USP19: variants seen among roughly 807,000 people sequenced by gnomAD.
USP19 encodes ubiquitin carboxyl-terminal hydrolase 19.
A neutral mutation model predicts 144.8 loss-of-function variants in USP19; 40 were observed. The ratio of observed to expected loss-of-function variants is 0.28; its 90% confidence interval spans 0.21 to 0.36. The LOEUF (loss-of-function observed/expected upper bound fraction) is 0.36, where lower values mean the gene tolerates loss of function less well. Ranked by LOEUF, USP19 falls within the 10% of genes least tolerant of loss-of-function variation. USP19 has a pLI of 1.00. For synonymous variants in USP19, 701 were observed against 709.3 expected, an observed-to-expected ratio of 0.99 and a Z score of 0.19; for missense variants, 1,518 against 1,822.5, an observed-to-expected ratio of 0.83 and a Z score of 3.04.
chr3:49,115,814 C>G lies in USP19; in HGVS notation c.1602G>C (p.Lys534Asn). The change falls in exon 11 of 27, where the codon AAG (lysine) becomes AAC (asparagine). Residue 534 changes from lysine (K) to asparagine (N), a missense_variant. This residue lies in a region of USP19 where 707 missense variants were observed against 728.9 expected (regional missense o/e 0.97). Coordinates refer to ENST00000417901, the MANE Select transcript of USP19 (RefSeq NM_001199161.2). The surrounding 1 kb of genome is among the most constrained non-coding windows in gnomAD (Gnocchi z 6.6). The stretch of plus-strand genomic sequence containing the variant: ...CTAGCCCTGTGTCCTCAGATCGTGC[C>G]TTGGATTTATCCTTCTCCACAGCCC... Reference protein sequence around the residue: ...EARAVEKDKSKARSEDTGLDS... With the variant: ...EARAVEKDKSNARSEDTGLDS... 1 of 1,614,088 alleles carries G rather than the reference C, an allele frequency of 6.2e-7. No individual in the cohort carries two copies. The highest frequency in any genetic ancestry group is 8.5e-7 in the Non-Finnish European group (1 of 1,179,936).
rs2043057749 is a variant in USP19 at position 49,110,937 on chromosome 3, G to A, written c.3545+13C>T. Reference sequence around the variant, plus strand: ...CATCCTGCCCCCTTATCTACTTGCTGCTCTGTTCTCACCAGGCCTCCTCGG... The same window carrying A: ...CATCCTGCCCCCTTATCTACTTGCTACTCTGTTCTCACCAGGCCTCCTCGG... On this transcript the variant is annotated intron_variant, in intron 23 of 26. Transcript: ENST00000417901. The surrounding 1 kb of genome is among the most constrained non-coding windows in gnomAD (Gnocchi z 6.1). 6.2e-7 allele frequency: 1 copy of A among 1,614,022 alleles called. No homozygotes were observed. Among genetic ancestry groups the A allele is most frequent in the Non-Finnish European group, 8.5e-7 (1 of 1,179,992 alleles).
In USP19 at chr3:49,110,591, T is replaced by C. The variant is rs1476015749; in HGVS notation, c.3712A>G (p.Ser1238Gly). The C allele has an allele frequency of 1.2e-6, 2 of 1,613,952 alleles. No homozygotes were observed. Among genetic ancestry groups the C allele is most frequent in the Non-Finnish European group, 1.7e-6 (2 of 1,180,018 alleles). Residue 1238 changes from serine (S) to glycine (G), a missense_variant, in exon 25 of 27, where the codon AGC (serine) becomes GGC (glycine). Transcript: ENST00000417901. This position sits in a 1 kb window ranked among gnomAD's most constrained non-coding sequence, Gnocchi z 6.1. ...VEFPVRNLDL[S>G]KFCIGQKEEQ... The stretch of plus-strand genomic sequence containing the variant: ...TCTTTCTGACCAATGCAGAACTTGC[T>C]CAGGTCCAGGTTCCTGCAGGTCAGG...
chr3:49,115,750 G>A lies in USP19; in HGVS notation c.1666C>T (p.Pro556Ser). ...GAGGCCAGGTGTGTCTCTGGCTTTG[G>A]GGTTACATGCTCCATGGGTGTGCGG... ...ATRTPMEHVT[P>S]KPETHLASPK... Residue 556 changes from proline (P) to serine (S), a missense_variant, in exon 11 of 27, where the codon CCA (proline) becomes TCA (serine). This residue lies in a region of USP19 where 707 missense variants were observed against 728.9 expected (regional missense o/e 0.97). Transcript: ENST00000417901. This position sits in a 1 kb window ranked among gnomAD's most constrained non-coding sequence, Gnocchi z 6.6. 6.2e-7 allele frequency: 1 copy of A among 1,612,446 alleles called. No homozygotes were observed. The highest frequency in any genetic ancestry group is 8.5e-7 in the Non-Finnish European group (1 of 1,178,772).
rs2107424604 is a variant in USP19 at position 49,114,339 on chromosome 3, C to T, written c.2293-55G>A. 1 of 1,558,054 alleles carries T rather than the reference C, an allele frequency of 6.4e-7. No homozygotes were observed. Among genetic ancestry groups the T allele is most frequent in the Admixed American group, 1.7e-5 (1 of 58,402 alleles). On this transcript the variant is annotated intron_variant, in intron 15 of 26. Coordinates refer to ENST00000417901, the MANE Select transcript of USP19 (RefSeq NM_001199161.2). The surrounding 1 kb of genome is among the most constrained non-coding windows in gnomAD (Gnocchi z 4.5). ...TGCACACAGAGTGGGAGATAAGATGCTCATGCTCAGAGAGCCCATTCCGGG... is the reference window on the plus strand; with the variant it reads ...TGCACACAGAGTGGGAGATAAGATGTTCATGCTCAGAGAGCCCATTCCGGG...
At position 49,108,469 on chromosome 3, in the gene USP19, G is replaced by T; in HGVS notation, c.4098C>A (p.Phe1366Leu). ...GGGCTGGCCGATCCACAGGGGGGGC[G>T]AAGCGTTCAGGGGCTGTCCGCGTGG... ...VAPTRTAPER[F>L]APPVDRPAPT... The change falls in exon 27 of 27, where the codon TTC (phenylalanine) becomes TTA (leucine). Residue 1366 changes from phenylalanine to leucine, a missense_variant. This residue lies in a region of USP19 where 118 missense variants were observed against 100.2 expected (regional missense o/e 1.18). Transcript: ENST00000417901. This position sits in a 1 kb window ranked among gnomAD's most constrained non-coding sequence, Gnocchi z 4.8. 7.4e-7 allele frequency: 1 copy of T among 1,345,562 alleles called. No individual in the cohort carries two copies. The highest frequency in any genetic ancestry group is 9.6e-7 in the Non-Finnish European group (1 of 1,036,846). The allele number at this position is 1,345,562 out of a possible 1,614,324, so 83.4% of individuals were successfully genotyped here.
intron 17 of USP19, among the ~76,000 whole-genome samples, chr3:49,113,395 G>C (rs1327634840): frequency 4.0e-5 from 6 of 151,600 alleles, no homozygotes; most frequent in Non-Finnish European, 8.8e-5. Flanking sequence ...TCCTGCCTCA[G>C]CCTCCTGAGC....
At position 49,117,717 on chromosome 3, in the gene USP19, G is replaced by A. The variant is rs878919683; in HGVS notation, c.412C>T (p.Leu138=). ...GCAGCATCTACATCCTCCAGCTGCAGGGGACCTACTCCCACACGAAGCTTG... is the reference window on the plus strand; with the variant it reads ...GCAGCATCTACATCCTCCAGCTGCAAGGGACCTACTCCCACACGAAGCTTG... ...IVKLRVGVGP[L]QLEDVDAAFT... is the part of the protein sequence containing the mutation. The change falls in exon 4 of 27, where the codon CTG becomes TTG. Residue 138 remains leucine (L), a synonymous_variant. Transcript: ENST00000417901. This position sits in a 1 kb window ranked among gnomAD's most constrained non-coding sequence, Gnocchi z 4.4. 5 of 1,614,172 alleles carry A rather than the reference G, an allele frequency of 3.1e-6. No individual in the cohort carries two copies. The highest frequency in any genetic ancestry group is 4.2e-6 in the Non-Finnish European group (5 of 1,180,026).
intron 17 of USP19, among the ~76,000 whole-genome samples, chr3:49,113,781 A>G (rs556270108): frequency 4.7e-4 from 72 of 152,202 alleles, no homozygotes; most frequent in African/African-American, 1.5e-3. Flanking sequence ...TCTTGTAGAG[A>G]CAGTGTTTCA....
rs1237981247 is a variant in USP19, at chr3:49,116,073, C to T, written c.1445G>A (p.Gly482Glu). ...CLRKRQSQRW[G>E]GLEAPAARGA... ...TCGTGCAGCCGGGGCCTCCAGGCCC[C>T]CCCAGCGCTGACTCTGCCTCTTACG... is the stretch of plus-strand genomic sequence containing the variant. Residue 482 changes from glycine (G) to glutamate (E), a missense_variant, in exon 10 of 27, where the codon GGG becomes GAG. Transcript: ENST00000417901. This position sits in a 1 kb window ranked among gnomAD's most constrained non-coding sequence, Gnocchi z 5.0. The T allele has an allele frequency of 1.9e-6, 3 of 1,610,064 alleles. No homozygotes were observed. The highest frequency in any genetic ancestry group is 1.7e-6 in the Non-Finnish European group (2 of 1,179,064).
chr3:49,116,848 T>C lies in USP19; in HGVS notation c.1005A>G (p.Lys335=). 2 of 1,614,126 alleles carry C rather than the reference T, an allele frequency of 1.2e-6. No individual in the cohort carries two copies. Among genetic ancestry groups the C allele is most frequent in the African/African-American group, 1.3e-5 (1 of 75,008 alleles). The change falls in exon 7 of 27, where the codon AAA becomes AAG. Residue 335 remains lysine, a synonymous_variant. Coordinates refer to ENST00000417901, the MANE Select transcript of USP19 (RefSeq NM_001199161.2). This position sits in a 1 kb window ranked among gnomAD's most constrained non-coding sequence, Gnocchi z 5.0. ...CTGGGTCATTCCCGGGAGGCACTGC[T>C]TTCTCTCCTGCCAAAGGGGCTAAAT... The part of the protein sequence containing the change: ...EENLAPLAGE[K]AVPPGNDPVS...
Position 49,117,166 on chromosome 3 carries a change from C to A in USP19, c.802G>T (p.Ala268Ser). Residue 268 changes from alanine (A) to serine (S), a missense_variant, in exon 6 of 27, where the codon GCC (alanine) becomes TCC (serine). Transcript: ENST00000417901. This position sits in a 1 kb window ranked among gnomAD's most constrained non-coding sequence, Gnocchi z 4.4. ...AGPGAQAGPS[A>S]KRAVHLCRGP... ...CTGCAGAGATGCACAGCCCTCTTGG[C>A]GCTGGGCCCTGCCTGGGCCCCGGGG... The A allele has an allele frequency of 6.5e-7, 1 of 1,548,388 alleles. No individual in the cohort carries two copies. The highest frequency in any genetic ancestry group is 1.2e-5 in the South Asian group (1 of 84,176).
In USP19 at chr3:49,110,252, G is replaced by T; in HGVS notation, c.3970C>A (p.Pro1324Thr). The part of the protein sequence containing the change: ...YRRRNSPVER[P>T]PRAGHSEHHP... ...TGCTCAGAGTGACCTGCCCTGGGGGGCCTCTCCACAGGAGAGTTCCGCCGG... is the reference window on the plus strand; with the variant it reads ...TGCTCAGAGTGACCTGCCCTGGGGGTCCTCTCCACAGGAGAGTTCCGCCGG... Residue 1324 changes from proline (P) to threonine (T), a missense_variant, in exon 26 of 27, where the codon CCC (proline) becomes ACC (threonine). This residue lies in a region of USP19 where 118 missense variants were observed against 100.2 expected (regional missense o/e 1.18). Coordinates refer to ENST00000417901, the MANE Select transcript of USP19 (RefSeq NM_001199161.2). This position sits in a 1 kb window ranked among gnomAD's most constrained non-coding sequence, Gnocchi z 6.1. 1 of 1,596,904 alleles carries T rather than the reference G, an allele frequency of 6.3e-7. No individual in the cohort carries two copies. The highest frequency in any genetic ancestry group is 8.5e-7 in the Non-Finnish European group (1 of 1,170,016).
Position 49,112,479 on chromosome 3 carries a change from C to T in USP19, c.2646+10G>A. On this transcript the variant is annotated intron_variant, in intron 18 of 26. Coordinates refer to ENST00000417901, the MANE Select transcript of USP19 (RefSeq NM_001199161.2). This position sits in a 1 kb window ranked among gnomAD's most constrained non-coding sequence, Gnocchi z 4.9. ...CAGGGCGCTGTGCCATCAGGTTGGC[C>T]CCCACTCACCTGTTGCACCTCTAGC... The T allele has an allele frequency of 1.2e-6, 2 of 1,613,500 alleles. No homozygotes were observed. The highest frequency in any genetic ancestry group is 1.7e-6 in the Non-Finnish European group (2 of 1,179,580).
At position 49,114,059 on chromosome 3, in the gene USP19, G is replaced by A. The variant is rs373590034; in HGVS notation, c.2438C>T (p.Ala813Val). The change falls in exon 17 of 27, where the codon GCG becomes GTG. Residue 813 changes from alanine (A) to valine (V), a missense_variant. Coordinates refer to ENST00000417901, the MANE Select transcript of USP19 (RefSeq NM_001199161.2). The surrounding 1 kb of genome is among the most constrained non-coding windows in gnomAD (Gnocchi z 4.5). ...LVSVSKENST[A>V]SEVLDSLSQS... ...AGAGAGGGAGTCCAATACTTCGCTC[G>A]CAGTGGAGTTCTCCTTGCTGACGCT... The A allele has an allele frequency of 8.1e-6, 13 of 1,614,098 alleles. No individual in the cohort carries two copies. Among genetic ancestry groups the A allele is most frequent in the African/African-American group, 4.0e-5 (3 of 74,932 alleles).
In USP19 at chr3:49,115,014, C is replaced by A. The variant is rs763212149; in HGVS notation, c.2126G>T (p.Arg709Leu). 1 of 1,614,142 alleles carries A rather than the reference C, an allele frequency of 6.2e-7. No individual in the cohort carries two copies. The highest frequency in any genetic ancestry group is 1.7e-5 in the Admixed American group (1 of 60,026). The change falls in exon 14 of 27, where the codon CGC becomes CTC. Residue 709 changes from arginine to leucine, a missense_variant. This residue lies in a region of USP19 where 158 missense variants were observed against 277.3 expected (regional missense o/e 0.57). Transcript: ENST00000417901. This position sits in a 1 kb window ranked among gnomAD's most constrained non-coding sequence, Gnocchi z 6.6. The part of the protein sequence containing the change: ...LLDGLHEDLN[R>L]IQNKPYTETV... ...CTCTGTGTAGGGCTTGTTCTGAATG[C>A]GATTCAGGTCCTCGTGCAGCCCATC...
chr3:49,117,544 A>G lies in USP19; in HGVS notation c.499T>C (p.Tyr167His). Residue 167 changes from tyrosine to histidine, a missense_variant, in exon 5 of 27, where the codon TAT becomes CAT. Tyr to His is a moderately conservative substitution (Grantham distance 83). Transcript: ENST00000417901. The surrounding 1 kb of genome is among the most constrained non-coding windows in gnomAD (Gnocchi z 4.4). Reference sequence around the variant, plus strand: ...GCACAAGAGCTTTTTATCTCAGCATAGAAGACACCACCCCACTGCTGACCA... The same window carrying G: ...GCACAAGAGCTTTTTATCTCAGCATGGAAGACACCACCCCACTGCTGACCA... ...AGGQQWGGVFYAEIKSSCAKV... is the reference protein window; with the variant it reads ...AGGQQWGGVFHAEIKSSCAKV... 6.2e-7 allele frequency: 1 copy of G among 1,614,126 alleles called. No homozygotes were observed. The highest frequency in any genetic ancestry group is 1.3e-5 in the African/African-American group (1 of 75,046).
Position 49,108,694 on chromosome 3 carries a change from T to C in USP19, c.4039-166A>G. On this transcript the variant is annotated intron_variant, in intron 26 of 26. Transcript: ENST00000417901. The surrounding 1 kb of genome is among the most constrained non-coding windows in gnomAD (Gnocchi z 4.8). ...GAGATTGGGCCTGAATAGTCTGGTT[T>C]TATTAACACTTTTAAGTACAGGAAG... 2 of 1,311,628 alleles carry C rather than the reference T, an allele frequency of 1.5e-6. No homozygotes were observed. The highest frequency in any genetic ancestry group is 1.9e-6 in the Non-Finnish European group (2 of 1,032,008). The allele number at this position is 1,311,628 out of a possible 1,614,324, so 81.2% of individuals were successfully genotyped here.
chr3:49,114,375 G>C lies in USP19; in HGVS notation c.2293-91C>G. The C allele has an allele frequency of 7.9e-7, 1 of 1,258,510 alleles. No homozygotes were observed. Among genetic ancestry groups the C allele is most frequent in the Non-Finnish European group, 1.1e-6 (1 of 888,974 alleles). 78.0% of individuals were successfully genotyped at this position (1,258,510 alleles called of 1,614,324 possible). A position where few individuals can be genotyped will look rare whatever the true frequency, so the allele number is the denominator to read the frequency against. On this transcript the variant is annotated intron_variant, in intron 15 of 26. Transcript: ENST00000417901. The surrounding 1 kb of genome is among the most constrained non-coding windows in gnomAD (Gnocchi z 4.5). ...AGAGCCCATTCCGGGGCTTCTGATG[G>C]CTCTCAGGGCCCCCACAGCCAACCA...
In USP19 at chr3:49,114,384, G is replaced by T; in HGVS notation, c.2293-100C>A. 2 of 1,103,594 alleles carry T rather than the reference G, an allele frequency of 1.8e-6. No individual in the cohort carries two copies. Among genetic ancestry groups the T allele is most frequent in the Non-Finnish European group, 2.6e-6 (2 of 758,928 alleles). The allele number at this position is 1,103,594 out of a possible 1,614,324, so 68.4% of individuals were successfully genotyped here. On this transcript the variant is annotated intron_variant, in intron 15 of 26. Transcript: ENST00000417901. The surrounding 1 kb of genome is among the most constrained non-coding windows in gnomAD (Gnocchi z 4.5). ...TCCGGGGCTTCTGATGGCTCTCAGG[G>T]CCCCCACAGCCAACCAGCAAACTCT... is the stretch of plus-strand genomic sequence containing the variant.
Sources: gnomAD v4.1 joint callset for allele counts (sites outside exome capture counted in the v4.1 genomes callset) on GRCh38, gnomAD v4.1.1 for gene constraint, gnomAD v4.1.1 regional missense constraint, Gnocchi (gnomAD v3.1) non-coding constraint, MANE v1.5 for transcripts, NCBI Gene and HGNC (gene_info 2026-07-23, HGNC 2026-07-21) for gene names.